Variants in RNF24 observed in about 807,000 individuals in gnomAD.
The protein encoded by RNF24 is ring finger protein 24.
RNF24 carries 14 observed loss-of-function variants against 20.0 expected under a neutral mutation model. That is an observed-to-expected ratio of 0.70 (90% CI 0.46 to 1.10). The LOEUF (loss-of-function observed/expected upper bound fraction) is 1.10. Ranked by LOEUF, RNF24 falls within the 50% of genes least tolerant of loss-of-function variation. RNF24 has a pLI of 0.00. For synonymous variants in RNF24, 45 were observed against 61.1 expected (o/e 0.74, Z 1.23); for missense variants, 124 against 177.6 (o/e 0.70, Z 1.71).
chr20:3,987,454 T>A (rs1045628961), intron 1 of RNF24, among the ~76,000 whole-genome samples: 2 of 152,200 alleles, frequency 1.3e-5, no homozygotes, highest in African/African-American at 4.8e-5. Flanking sequence ...AGGACAGCAA[T>A]ACCTCATTTT....
At chr20:3,946,310 T>C (rs1264641471) in intron 3 of RNF24, among the ~76,000 whole-genome samples, 1 of 151,934 alleles carries the variant, frequency 6.6e-6, no homozygotes, top group Non-Finnish European at 1.5e-5. Flanking sequence ...CTACAAAAAA[T>C]ACAAAAATTA....
rs1217250105 is a variant in RNF24 at position 3,928,090 on chromosome 20, G to C, written c.*5973C>G. 1 of 152,100 alleles carries C rather than the reference G, an allele frequency of 6.6e-6. No homozygotes were observed. Among genetic ancestry groups the C allele is most frequent in the African/African-American group, 2.4e-5 (1 of 41,424 alleles). The allele number at this position is 152,100 out of a possible 1,614,324, so 9.4% of individuals were successfully genotyped here. ...ATCTTTACTAAAGAACCGTGAACCAGCATTTTCCAGTTATCAACTGGATAT... is the reference window on the plus strand; with the variant it reads ...ATCTTTACTAAAGAACCGTGAACCACCATTTTCCAGTTATCAACTGGATAT... On this transcript the variant is annotated 3_prime_UTR_variant, in exon 6 of 6. Transcript: ENST00000358395.
At chr20:3,953,829 T>G (rs2091111061) in intron 2 of RNF24, among the ~76,000 whole-genome samples, 2 of 151,392 alleles carry the variant, frequency 1.3e-5, no homozygotes, top group Admixed American at 1.3e-4. Flanking sequence ...CAATCTTGGC[T>G]CACTGCAACC....
chr20:3,965,626 T>TA (rs1417485575), intron 1 of RNF24, among the ~76,000 whole-genome samples: 5 of 152,350 alleles, frequency 3.3e-5, no homozygotes, highest in African/African-American at 1.2e-4. Flanking sequence ...AGGATGTAGT[T>TA]AAGGAGTGCT....
intron 1 of RNF24, chr20:3,974,469 A>G: frequency 7.3e-7 from 1 of 1,374,210 alleles, no homozygotes; most frequent in South Asian, 1.7e-5. Flanking sequence ...AATTAAACTG[A>G]GCCTATTTGC....
At chr20:3,936,705 C>T (rs904538659) in intron 4 of RNF24, among the ~76,000 whole-genome samples, 11 of 152,226 alleles carry the variant, frequency 7.2e-5, no homozygotes, top group Admixed American at 4.6e-4. Flanking sequence ...CCCCGCCTTC[C>T]GACACAGGGT....
chr20:3,942,975 C>T (rs1327676865), intron 4 of RNF24, among the ~76,000 whole-genome samples: 1 of 152,042 alleles, frequency 6.6e-6, no homozygotes, highest in East Asian at 1.9e-4. Context: ...ATCACCGCGC[C>T]TGGCTCATTT....
At position 3,927,936 on chromosome 20, in the gene RNF24, C is replaced by T. The variant is rs1430616724; in HGVS notation, c.*6127G>A. Reference sequence around the variant, plus strand: ...GGTCAAAAAGTGGAGTACATCTTTGCATCTTGTAACAATTTGGGCTCTACA... The same window carrying T: ...GGTCAAAAAGTGGAGTACATCTTTGTATCTTGTAACAATTTGGGCTCTACA... On this transcript the variant is annotated 3_prime_UTR_variant, in exon 6 of 6. Coordinates refer to ENST00000358395, the MANE Select transcript of RNF24 (RefSeq NM_001134337.3). The T allele has an allele frequency of 6.6e-6, 1 of 152,204 alleles. No individual in the cohort carries two copies. The highest frequency in any genetic ancestry group is 6.5e-5 in the Admixed American group (1 of 15,270). 9.4% of individuals were successfully genotyped at this position (152,204 alleles called of 1,614,324 possible).
intron 3 of RNF24, 82 bp from the exon 4 acceptor site, chr20:3,945,300 C>G: frequency 7.5e-7 from 1 of 1,337,922 alleles, no homozygotes; most frequent in Non-Finnish European, 1.0e-6. Context: ...AAATATTTTT[C>G]TTTTGTATAT....
chr20:3,968,949 T>C (rs1016743230), intron 1 of RNF24, among the ~76,000 whole-genome samples: 5 of 152,058 alleles, frequency 3.3e-5, no homozygotes, highest in African/African-American at 1.2e-4. Context: ...AGATTTGAGA[T>C]TTATCCTAGG....
chr20:3,934,931 AAAG>A lies in RNF24; in HGVS notation c.308+60_308+62del. The A allele has an allele frequency of 7.0e-7, 1 of 1,422,722 alleles. No homozygotes were observed. Among genetic ancestry groups the A allele is most frequent in the Non-Finnish European group, 9.9e-7 (1 of 1,007,822 alleles). The allele number at this position is 1,422,722 out of a possible 1,614,324, so 88.1% of individuals were successfully genotyped here. The stretch of plus-strand genomic sequence containing the variant: ...TTGTCTGGCACTGCCCTAAAACCCA[AAAG>A]AAGTTGGTTGATGTGCCTCAAACTC... On this transcript the variant is annotated intron_variant, in intron 5 of 5. Transcript: ENST00000358395. The surrounding 1 kb of genome is among the most constrained non-coding windows in gnomAD (Gnocchi z 4.0).
chr20:3,982,767 T>A (rs1189134355), intron 1 of RNF24, among the ~76,000 whole-genome samples: 2 of 151,970 alleles, frequency 1.3e-5, no homozygotes, highest in Non-Finnish European at 2.9e-5. Context: ...CACATGCCTG[T>A]GGTCCCAGCT....
At position 3,934,012 on chromosome 20, in the gene RNF24, C is replaced by T. The variant is rs758173877; in HGVS notation, c.*51G>A. 3.5e-6 allele frequency: 5 copies of T among 1,410,678 alleles called. No homozygotes were observed. Among genetic ancestry groups the T allele is most frequent in the Non-Finnish European group, 4.6e-6 (5 of 1,075,780 alleles). The allele number at this position is 1,410,678 out of a possible 1,614,324, so 87.4% of individuals were successfully genotyped here. On this transcript the variant is annotated 3_prime_UTR_variant, in exon 6 of 6. Transcript: ENST00000358395. This position sits in a 1 kb window ranked among gnomAD's most constrained non-coding sequence, Gnocchi z 4.0. ...CATACAGACACCACATGTGTTCCTC[C>T]TGGCTCCACACAGACGTCGTGTCCA... is the stretch of plus-strand genomic sequence containing the variant.
chr20:3,998,350 G>A (rs957089746), intron 1 of RNF24, among the ~76,000 whole-genome samples: 1 of 152,016 alleles, frequency 6.6e-6, no homozygotes, highest in Non-Finnish European at 1.5e-5. Flanking sequence ...CAAGGTGGGT[G>A]GATCACCTGA....
chr20:3,998,807 GTGGTGGCTCAC>G (rs1981139778), intron 1 of RNF24, among the ~76,000 whole-genome samples: 1 of 151,510 alleles, frequency 6.6e-6, no homozygotes, highest in African/African-American at 2.4e-5. Context: ...GTGACTGGGT[GTGGTGGCTCAC>G]ACCTGTAATC....
At position 3,964,137 on chromosome 20, in the gene RNF24, G is replaced by A. The variant is rs141213028; in HGVS notation, c.-7-113C>T. ...GACCTCATCTGAAACAAATATGGTA[G>A]ACAAAGTGTTAATATTCTTGCCATT... On this transcript the variant is annotated intron_variant, in intron 1 of 5. Coordinates refer to ENST00000358395, the MANE Select transcript of RNF24 (RefSeq NM_001134337.3). The A allele has an allele frequency of 3.6e-4, 281 of 774,974 alleles. No homozygotes were observed. The African/African-American group carries it at 4.2e-3, about 12-fold the overall frequency. 48.0% of individuals were successfully genotyped at this position (774,974 alleles called of 1,614,324 possible).
Position 3,933,863 on chromosome 20 carries a change from G to T in RNF24, c.*200C>A. ...CTCATCCACTCCTCTTCTCTCGGCA[G>T]GGGGTAGTGTCAAAGTGCTTTGGTT... On this transcript the variant is annotated 3_prime_UTR_variant, in exon 6 of 6. Transcript: ENST00000358395. The T allele has an allele frequency of 2.4e-6, 1 of 409,408 alleles. No homozygotes were observed. 25.4% of individuals were successfully genotyped at this position (409,408 alleles called of 1,614,324 possible).
intron 4 of RNF24, among the ~76,000 whole-genome samples, chr20:3,939,882 T>C (rs562568674): frequency 6.6e-6 from 1 of 152,202 alleles, no homozygotes; most frequent in African/African-American, 2.4e-5. Flanking sequence ...CGTTTTATAG[T>C]TTTCAGCATA....
chr20:3,991,306 C>T (rs995310146), intron 1 of RNF24, among the ~76,000 whole-genome samples: 10 of 135,436 alleles, frequency 7.4e-5, no homozygotes, highest in Non-Finnish European at 1.2e-4. Context: ...GGCTGGAATG[C>T]AGTGGTGCCA....
Sources: gnomAD v4.1 joint callset for allele counts (sites outside exome capture counted in the v4.1 genomes callset) on GRCh38, gnomAD v4.1.1 for gene constraint, Gnocchi (gnomAD v3.1) non-coding constraint, MANE v1.5 for transcripts, NCBI Gene and HGNC (gene_info 2026-07-23, HGNC 2026-07-21) for gene names.